Variants in HCRTR2 observed in about 807,000 individuals in gnomAD.
The protein encoded by HCRTR2 is hypocretin receptor 2, also known as orexin receptor type 2.
HCRTR2 carries 22 observed loss-of-function variants against 49.0 expected under a neutral mutation model. That is an observed-to-expected ratio of 0.45 (90% CI 0.32 to 0.64). The LOEUF (loss-of-function observed/expected upper bound fraction) is 0.64. Ranked by LOEUF, HCRTR2 falls within the 30% of genes least tolerant of loss-of-function variation. The pLI is 0.04. For synonymous variants in HCRTR2, 236 were observed against 205.3 expected, an observed-to-expected ratio of 1.15 and a Z score of -1.28; for missense variants, 491 against 559.4, an observed-to-expected ratio of 0.88 and a Z score of 1.23.
At chr6:55,264,907 C>G (rs1766834496) in intron 4 of HCRTR2, among the ~76,000 whole-genome samples, 1 of 152,126 alleles carries the variant, frequency 6.6e-6, no homozygotes, top group South Asian at 2.1e-4. Context: ...ATTTCACAAA[C>G]ACTTTATTTG....
chr6:55,226,711 G>GTTTTTTTTTTTTTTTTTTTTT (rs777871106), intron 1 of HCRTR2, among the ~76,000 whole-genome samples: 3 of 74,254 alleles, frequency 4.0e-5, no homozygotes, highest in African/African-American at 1.2e-4. Flanking sequence ...AATTCCAGGT[G>GTTTTTTTTTTTTTTTTTTTTT]TTTTTTTTTT....
chr6:55,275,618 T>A (rs1021423125), intron 4 of HCRTR2, among the ~76,000 whole-genome samples: 2 of 151,576 alleles, frequency 1.3e-5, no homozygotes, highest in African/African-American at 4.8e-5. Context: ...ATTTTTTTTT[T>A]TTTTTTGAGA....
At chr6:55,165,326 A>C (rs970086962) in intron 1 of HCRTR2, among the ~76,000 whole-genome samples, 5 of 152,108 alleles carry the variant, frequency 3.3e-5, no homozygotes, top group African/African-American at 1.2e-4. Flanking sequence ...ATTCAGATTT[A>C]ACCCAAAGAA....
At chr6:55,154,568 G>A (rs890272995) in intron 1 of HCRTR2, among the ~76,000 whole-genome samples, 10 of 151,706 alleles carry the variant, frequency 6.6e-5, no homozygotes, top group African/African-American at 1.2e-4. Flanking sequence ...AAACTTTGAC[G>A]TTGTTGAGAA....
At chr6:55,185,447 C>A (rs748104656) in intron 1 of HCRTR2, among the ~76,000 whole-genome samples, 10 of 151,996 alleles carry the variant, frequency 6.6e-5, no homozygotes, top group Non-Finnish European at 1.2e-4. Context: ...GACAAGAAGC[C>A]AAATCATCTT....
intron 6 of HCRTR2, among the ~76,000 whole-genome samples, chr6:55,280,826 G>A (rs1767176177): frequency 6.6e-6 from 1 of 151,874 alleles, no homozygotes; most frequent in Admixed American, 6.6e-5. Flanking sequence ...GACAGAATTG[G>A]GATCTATTCA....
chr6:55,224,453 TA>T (rs57961518), intron 1 of HCRTR2, among the ~76,000 whole-genome samples: 4 of 149,262 alleles, frequency 2.7e-5, no homozygotes, highest in Admixed American at 6.7e-5. Flanking sequence ...CCATCTCCAC[TA>T]AAAAAAAATA....
intron 2 of HCRTR2, among the ~76,000 whole-genome samples, chr6:55,249,094 C>CT (rs944656652): frequency 6.6e-6 from 1 of 151,934 alleles, no homozygotes; most frequent in South Asian, 2.1e-4. Flanking sequence ...TTTGCACAAA[C>CT]TTTTTTTATT....
chr6:55,202,498 T>C (rs944816167), intron 1 of HCRTR2, among the ~76,000 whole-genome samples: 1 of 152,210 alleles, frequency 6.6e-6, no homozygotes, highest in Non-Finnish European at 1.5e-5. Flanking sequence ...AGGTGGCTGA[T>C]GAACAACAGA....
intron 4 of HCRTR2, among the ~76,000 whole-genome samples, chr6:55,264,532 A>G (rs974199789): frequency 2.6e-5 from 4 of 152,068 alleles, no homozygotes; most frequent in African/African-American, 9.7e-5. Context: ...GGGCATCATC[A>G]GATGCAGGGC....
intron 5 of HCRTR2, among the ~76,000 whole-genome samples, chr6:55,278,555 C>G (rs1767123764): frequency 6.6e-6 from 1 of 151,908 alleles, no homozygotes; most frequent in Non-Finnish European, 1.5e-5. Flanking sequence ...ACGGCTTTTT[C>G]AATGGAGAAG....
At chr6:55,209,250 T>C (rs1765656515) in intron 1 of HCRTR2, among the ~76,000 whole-genome samples, 1 of 152,168 alleles carries the variant, frequency 6.6e-6, no homozygotes, top group African/African-American at 2.4e-5. Flanking sequence ...GGCTTAATCA[T>C]GCCATTTAAG....
rs77111295 is a variant in HCRTR2 at position 55,184,637 on chromosome 6, G to A, written c.223+9827G>A. On this transcript the variant is annotated intron_variant, in intron 1 of 6. Coordinates refer to ENST00000370862, the MANE Select transcript of HCRTR2 (RefSeq NM_001384272.1). ...CCAAGTGAGCCCTTAGGGAATTTCC[G>A]TGAATATTTCCCTACAGGTTGGCAT... 5.3e-3 allele frequency among the ~76,000 whole-genome samples: 801 copies of A among 152,210 alleles called. 5 individuals carry two copies. Among genetic ancestry groups the A allele is most frequent in the African/African-American group, 0.018 (735 of 41,526 alleles).
At chr6:55,136,832 G>A (rs1166612378) in intron 1 of HCRTR2, among the ~76,000 whole-genome samples, 1 of 152,156 alleles carries the variant, frequency 6.6e-6, no homozygotes, top group African/African-American at 2.4e-5. Flanking sequence ...TTCTGGATTG[G>A]CACAGTGTCC....
chr6:55,248,842 A>G (rs1424473837), intron 2 of HCRTR2, 25 bp downstream of exon 2: 2 of 1,593,854 alleles, frequency 1.3e-6, no homozygotes, highest in Admixed American at 1.7e-5. Context: ...TGCTTTTTTG[A>G]AGCTACTAAA....
At chr6:55,160,234 A>C (rs748581971) in intron 1 of HCRTR2, among the ~76,000 whole-genome samples, 2 of 152,206 alleles carry the variant, frequency 1.3e-5, no homozygotes, top group African/African-American at 2.4e-5. Context: ...ATCCAGCCAA[A>C]CTATGCTTCA....
chr6:55,159,767 G>A lies in HCRTR2; in HGVS notation c.-377-14444G>A, dbSNP rs9475182. ...TTGAAGATCAACTTAATGAAATAAA[G>A]TGTGAAGACCAGATTAGAGAAAAAA... On this transcript the variant is annotated intron_variant, in intron 1 of 7. Transcript: ENST00000615358. Among the ~76,000 whole-genome samples the A allele has an allele frequency of 7.6e-3, 1,162 of 152,270 alleles. 10 individuals carry two copies. Among genetic ancestry groups the A allele is most frequent in the African/African-American group, 0.018 (742 of 41,550 alleles).
chr6:55,164,255 C>G (rs142839992), intron 1 of HCRTR2, among the ~76,000 whole-genome samples: 306 of 152,244 alleles, frequency 2.0e-3, no homozygotes, highest in African/African-American at 6.6e-3. Context: ...ACCATTTGAC[C>G]TAGCAATCCC....
chr6:55,242,354 T>C (rs1766352100), intron 1 of HCRTR2, among the ~76,000 whole-genome samples: 1 of 150,150 alleles, frequency 6.7e-6, no homozygotes, highest in Non-Finnish European at 1.5e-5. Flanking sequence ...GGAACAATAA[T>C]GTCTCCTTCC....
Sources: allele counts gnomAD v4.1 joint callset (sites outside exome capture counted in the v4.1 genomes callset), GRCh38; gene constraint gnomAD v4.1.1; transcripts MANE v1.5; gene names NCBI Gene and HGNC (gene_info 2026-07-23, HGNC 2026-07-21).